TGFBR2: variants seen among roughly 807,000 people sequenced by gnomAD.
TGFBR2 encodes transforming growth factor beta receptor 2.
TGFBR2 carries 18 observed loss-of-function variants against 49.0 expected under a neutral mutation model. The ratio of observed to expected loss-of-function variants is 0.37; its 90% CI spans 0.25 to 0.54. The LOEUF (loss-of-function observed/expected upper bound fraction) is 0.54. Ranked by LOEUF, TGFBR2 falls within the 20% of genes least tolerant of loss-of-function variation. TGFBR2 has a pLI of 0.85. For synonymous variants in TGFBR2, 282 were observed against 275.9 expected (o/e 1.02, Z -0.22); for missense variants, 525 against 722.6 (o/e 0.73, Z 3.13).
rs1346848767 is a variant in TGFBR2, at chr3:30,606,967, T to C, written c.84T>C (p.Val28=). The change falls in exon 1 of 7, where the codon GTT becomes GTC. Residue 28 remains valine (V), a synonymous_variant. Transcript: ENST00000295754. ...TRIASTIPPH[V]QKSVNNDMIV... ...TCGCCAGCACGATCCCACCGCACGTTCAGAAGTCGGGTGAGTGGTCCCCAG... is the reference window on the plus strand; with the variant it reads ...TCGCCAGCACGATCCCACCGCACGTCCAGAAGTCGGGTGAGTGGTCCCCAG... 2 of 1,598,722 alleles carry C rather than the reference T, an allele frequency of 1.3e-6. No homozygotes were observed. The highest frequency in any genetic ancestry group is 3.4e-5 in the Admixed American group (2 of 58,366).
chr3:30,632,349 G>T (rs1454896909), intron 1 of TGFBR2, among the ~76,000 whole-genome samples: 1 of 152,106 alleles, frequency 6.6e-6, no homozygotes, highest in African/African-American at 2.4e-5. Context: ...AATTGAACTG[G>T]ATTCTCAAGT....
At chr3:30,628,112 CTT>C (rs58634787) in intron 1 of TGFBR2, among the ~76,000 whole-genome samples, 13 of 110,920 alleles carry the variant, frequency 1.2e-4, no homozygotes, top group Middle Eastern at 5.4e-3. Flanking sequence ...GCAGCCAGGC[CTT>C]TTTTTTTTTT....
chr3:30,635,122 T>G (rs1267431648), intron 1 of TGFBR2, among the ~76,000 whole-genome samples: 1 of 152,228 alleles, frequency 6.6e-6, no homozygotes, highest in African/African-American at 2.4e-5. Flanking sequence ...TTTCAGAAAT[T>G]TGTTTTATTC....
At chr3:30,607,434 C>T (rs1055452237) in intron 1 of TGFBR2, among the ~76,000 whole-genome samples, 2 of 152,246 alleles carry the variant, frequency 1.3e-5, no homozygotes, top group Admixed American at 6.5e-5. Context: ...AAGGCCAGCT[C>T]CTCAGTCCTT....
At chr3:30,688,281 A>T (rs2125451402) in intron 5 of TGFBR2, 103 bp from the exon 6 acceptor site, 1 of 1,465,008 alleles carries the variant, frequency 6.8e-7, no homozygotes. Flanking sequence ...TGTATTTGTT[A>T]CTTAGTGCTT....
chr3:30,674,061 A>C lies in TGFBR2; in HGVS notation c.1255-44A>C, dbSNP rs191430432. 42 of 1,613,996 alleles carry C rather than the reference A, an allele frequency of 2.6e-5. No homozygotes were observed. In the Admixed American group the frequency reaches 5.5e-4, roughly 21 times the overall value. Reference sequence around the variant, plus strand: ...AGCTATATTGTGAAAATAAAAAGGCAGCTGGAATTAAATGATGGGCCTCAC... The same window carrying C: ...AGCTATATTGTGAAAATAAAAAGGCCGCTGGAATTAAATGATGGGCCTCAC... On this transcript the variant is annotated intron_variant, in intron 4 of 6. Transcript: ENST00000295754.
intron 1 of TGFBR2, chr3:30,623,353 C>G: frequency 6.5e-7 from 1 of 1,532,932 alleles, no homozygotes; most frequent in South Asian, 1.1e-5. Context: ...GTAAGTAAAT[C>G]TAAGATAAAA....
chr3:30,681,559 G>A (rs112533376), intron 5 of TGFBR2, among the ~76,000 whole-genome samples: 1,676 of 152,250 alleles, frequency 0.011, 28 homozygotes, highest in African/African-American at 0.035. Flanking sequence ...TGCGAGGGCC[G>A]GGCGGTTGCG....
At chr3:30,652,232 G>GTTTTTTTTT (rs11386584) in intron 3 of TGFBR2, among the ~76,000 whole-genome samples, 2 of 97,030 alleles carry the variant, frequency 2.1e-5, no homozygotes, top group African/African-American at 4.1e-5. Context: ...TTTTCTGGTT[G>GTTTTTTTTT]TTTTTTTTTT....
At chr3:30,640,535 G>A (rs1016050610) in intron 1 of TGFBR2, among the ~76,000 whole-genome samples, 8 of 151,970 alleles carry the variant, frequency 5.3e-5, no homozygotes, top group African/African-American at 1.5e-4. Context: ...ATCATCTCTA[G>A]ATTACTTATA....
chr3:30,666,658 A>C (rs1699250522), intron 3 of TGFBR2, among the ~76,000 whole-genome samples: 2 of 121,988 alleles, frequency 1.6e-5, no homozygotes, highest in African/African-American at 3.1e-5. Context: ...CCGCACAAAC[A>C]CAGGGTCTTG....
chr3:30,644,423 G>A (rs377547246), intron 1 of TGFBR2, among the ~76,000 whole-genome samples: 23 of 152,084 alleles, frequency 1.5e-4, no homozygotes, highest in African/African-American at 3.9e-4. Flanking sequence ...CCAGCACTCC[G>A]TACTATGCAG....
intron 1 of TGFBR2, among the ~76,000 whole-genome samples, chr3:30,637,291 C>T (rs1281172030): frequency 6.6e-6 from 1 of 152,072 alleles, no homozygotes; most frequent in Non-Finnish European, 1.5e-5. Flanking sequence ...TGTTGACTTG[C>T]TAGGCCCAAA....
intron 5 of TGFBR2, among the ~76,000 whole-genome samples, chr3:30,686,965 A>G (rs1267809586): frequency 6.6e-6 from 1 of 152,216 alleles, no homozygotes; most frequent in African/African-American, 2.4e-5. Context: ...GCCTGTTGGC[A>G]TGGGAGACCC....
chr3:30,678,178 C>T (rs952430241), intron 5 of TGFBR2, among the ~76,000 whole-genome samples: 5 of 152,044 alleles, frequency 3.3e-5, no homozygotes, highest in African/African-American at 9.7e-5. Flanking sequence ...GGATCAGGGC[C>T]ACTTCTGTGA....
intron 3 of TGFBR2, among the ~76,000 whole-genome samples, chr3:30,654,456 G>T (rs1442779141): frequency 1.3e-5 from 2 of 152,188 alleles, no homozygotes; most frequent in African/African-American, 2.4e-5. Context: ...GCAGGCAGGG[G>T]TCAAGAAACA....
chr3:30,617,885 A>T (rs2125448853), intron 1 of TGFBR2, among the ~76,000 whole-genome samples: 1 of 152,332 alleles, frequency 6.6e-6, no homozygotes, highest in South Asian at 2.1e-4. Flanking sequence ...TACACATAGC[A>T]GTTTGAAAAA....
chr3:30,614,176 G>GAGACC (rs1243280831), intron 1 of TGFBR2, among the ~76,000 whole-genome samples: 2 of 139,508 alleles, frequency 1.4e-5, no homozygotes, highest in Admixed American at 7.5e-5. Flanking sequence ...TGTGTATTGA[G>GAGACC]AGACCACCAG....
chr3:30,648,320 GT>G (rs1345053968), intron 2 of TGFBR2, among the ~76,000 whole-genome samples: 1 of 152,008 alleles, frequency 6.6e-6, no homozygotes, highest in Non-Finnish European at 1.5e-5. Flanking sequence ...ATGGCTCACA[GT>G]TCCTTCTTAG....
Sources: gnomAD v4.1 joint callset for allele counts (sites outside exome capture counted in the v4.1 genomes callset) on GRCh38, gnomAD v4.1.1 for gene constraint, MANE v1.5 for transcripts, NCBI Gene and HGNC (gene_info 2026-07-23, HGNC 2026-07-21) for gene names.